The following DIDO1 variants were observed in gnomAD, a reference collection of about 807,000 sequenced individuals.
The protein encoded by DIDO1 is death inducer-obliterator 1.
DIDO1 carries 16 observed loss-of-function variants against 99.4 expected under a neutral mutation model. The observed-to-expected ratio is 0.16, with a 90% confidence interval of 0.11 to 0.24. DIDO1 has a LOEUF of 0.24. Among genes scored for constraint, DIDO1 ranks in the 10% least tolerant of loss-of-function variants. The pLI is 1.00. For missense variants in DIDO1, 2,996 were observed against 3,014.0 expected, an observed-to-expected ratio of 0.99 and a Z score of 0.14; for synonymous variants, 1,366 against 1,239.1, an observed-to-expected ratio of 1.10 and a Z score of -2.15.
chr20:62,914,844 T>C (rs1295245700), intron 1 of DIDO1, among the ~76,000 whole-genome samples: 1 of 152,222 alleles, frequency 6.6e-6, no homozygotes, highest in Non-Finnish European at 1.5e-5. Flanking sequence ...AATGTAATAA[T>C]TGAAAATTCT....
In DIDO1 at chr20:62,891,079, C is replaced by T; in HGVS notation, c.3422G>A (p.Ser1141Asn). 2 of 1,614,148 alleles carry T rather than the reference C, an allele frequency of 1.2e-6. No homozygotes were observed. Among genetic ancestry groups the T allele is most frequent in the Non-Finnish European group, 1.7e-6 (2 of 1,180,034 alleles). ...VAYISLYSYF[S>N]SRGRFGVVAN... Reference sequence around the variant, plus strand: ...TACAACACCAAAGCGGCCACGGCTGCTGAAATAGGAGTAGAGAGAGATATA... The same window carrying T: ...TACAACACCAAAGCGGCCACGGCTGTTGAAATAGGAGTAGAGAGAGATATA... The change falls in exon 15 of 16, where the codon AGC becomes AAC. Residue 1141 changes from serine to asparagine, a missense_variant. Coordinates refer to ENST00000395343, the MANE Select transcript of DIDO1 (RefSeq NM_001193369.2).
chr20:62,926,668 G>C (rs1289682055), upstream of DIDO1, among the ~76,000 whole-genome samples: 2 of 152,182 alleles, frequency 1.3e-5, no homozygotes, highest in Non-Finnish European at 1.5e-5. Context: ...CTTCGGGTCT[G>C]CACTGACAAT....
rs1335923317 is a variant in DIDO1, at chr20:62,879,865, T to C, written c.6091A>G (p.Ser2031Gly). ...TCCTTCCGGTGCTGCGGGGGGTGGCTGGGAAGCTCCAGCAGGGGCCTGGGG... is the reference window on the plus strand; with the variant it reads ...TCCTTCCGGTGCTGCGGGGGGTGGCCGGGAAGCTCCAGCAGGGGCCTGGGG... ...PGPRPLLELP[S>G]HPPQHRKDRW... The change falls in exon 16 of 16, where the codon AGC becomes GGC. Residue 2031 changes from serine (S) to glycine (G), a missense_variant. By Grantham distance (56) the Ser-to-Gly change is moderately conservative (BLOSUM62 0). Transcript: ENST00000395343. The surrounding 1 kb of genome is among the most constrained non-coding windows in gnomAD (Gnocchi z 6.3). 3 of 1,594,398 alleles carry C rather than the reference T, an allele frequency of 1.9e-6. No individual in the cohort carries two copies. The highest frequency in any genetic ancestry group is 1.4e-5 in the African/African-American group (1 of 73,968).
At chr20:62,886,383 C>T (rs1315417240) in intron 15 of DIDO1, among the ~76,000 whole-genome samples, 3 of 152,178 alleles carry the variant, frequency 2.0e-5, no homozygotes, top group South Asian at 4.1e-4. Context: ...GTGTCCTTTG[C>T]GTATTCATGA....
chr20:62,911,318 G>A lies in DIDO1; in HGVS notation c.295C>T (p.Pro99Ser), dbSNP rs2147506956. 6.2e-7 allele frequency: 1 copy of A among 1,608,656 alleles called. No homozygotes were observed. The change falls in exon 3 of 16, where the codon CCC becomes TCC. Residue 99 changes from proline to serine, a missense_variant. Physicochemically the swap from Pro to Ser is moderately conservative, Grantham distance 74 (BLOSUM62 -1). This residue lies in a region of DIDO1 where 388 missense variants were observed against 376.6 expected (regional missense o/e 1.03). Coordinates refer to ENST00000395343, the MANE Select transcript of DIDO1 (RefSeq NM_001193369.2). This position sits in a 1 kb window ranked among gnomAD's most constrained non-coding sequence, Gnocchi z 7.0. The stretch of plus-strand genomic sequence containing the variant: ...GCGTCTGTGGCGGGGCAGGACGTGG[G>A]CTCACCAGAATCCTCCAGGGAGACA... ...MPVSLEDSGE[P>S]TSCPATDAET...
At chr20:62,937,871 T>C (rs1037479323) in exon 1 of DIDO1, 1 of 398,386 alleles carries the variant, frequency 2.5e-6, no homozygotes, top group Non-Finnish European at 4.4e-6. Flanking sequence ...GCAGCAGCCA[T>C]CTTGCCAGAG....
intron 1 of DIDO1, among the ~76,000 whole-genome samples, chr20:62,933,049 C>G (rs2065346740): frequency 6.6e-6 from 1 of 152,198 alleles, no homozygotes; most frequent in African/African-American, 2.4e-5. Flanking sequence ...CCCATCTCTA[C>G]TAACAATACA....
intron 1 of DIDO1, among the ~76,000 whole-genome samples, chr20:62,932,831 A>G (rs1049678821): frequency 3.3e-5 from 5 of 152,246 alleles, no homozygotes; most frequent in African/African-American, 1.2e-4. Flanking sequence ...ATCAGGCAAA[A>G]AGAGGGAGGG....
rs763959742 is a variant in DIDO1 at position 62,910,839 on chromosome 20, C to T, written c.774G>A (p.Lys258=). Residue 258 remains lysine, a synonymous_variant, in exon 3 of 16, where the codon AAG becomes AAA. Coordinates refer to ENST00000395343, the MANE Select transcript of DIDO1 (RefSeq NM_001193369.2). The part of the protein sequence containing the change: ...DEEPGDLGRP[K]PECEGYDPNA... ...TGGGGTCGTAACCCTCACATTCAGGCTTCGGTCGGCCCAAGTCTCCAGGCT... is the reference window on the plus strand; with the variant it reads ...TGGGGTCGTAACCCTCACATTCAGGTTTCGGTCGGCCCAAGTCTCCAGGCT... 2 of 1,614,200 alleles carry T rather than the reference C, an allele frequency of 1.2e-6. No homozygotes were observed. Among genetic ancestry groups the T allele is most frequent in the South Asian group, 2.2e-5 (2 of 91,080 alleles).
chr20:62,932,214 C>G (rs1210866827), intron 1 of DIDO1, among the ~76,000 whole-genome samples: 1 of 152,208 alleles, frequency 6.6e-6, no homozygotes, highest in East Asian at 1.9e-4. Flanking sequence ...AATGTAGGGC[C>G]AGGCACGGTG....
upstream of DIDO1, chr20:62,929,363 G>C (rs1045895467): frequency 6.6e-6 from 1 of 152,424 alleles, no homozygotes; most frequent in African/African-American, 2.4e-5. Context: ...GGCGGGGCGC[G>C]CCTGGGCCTC....
At chr20:62,899,435 CGTAA>C (rs1157758184) in intron 6 of DIDO1, among the ~76,000 whole-genome samples, 1 of 152,150 alleles carries the variant, frequency 6.6e-6, no homozygotes, top group Admixed American at 6.5e-5. Context: ...TTCTCCAGAT[CGTAA>C]GTGTTGGAAT....
At chr20:62,913,918 A>C (rs2147521166) in intron 2 of DIDO1, among the ~76,000 whole-genome samples, 2 of 152,376 alleles carry the variant, frequency 1.3e-5, no homozygotes, top group East Asian at 3.9e-4. Flanking sequence ...TCTAGATTAC[A>C]TCATAGAAAC....
upstream of DIDO1, among the ~76,000 whole-genome samples, chr20:62,929,640 C>T (rs1176449157): frequency 7.0e-6 from 1 of 143,442 alleles, no homozygotes; most frequent in African/African-American, 2.7e-5. Context: ...TCACAAAATA[C>T]AACCCTCTCC....
Position 62,894,571 on chromosome 20 carries a change from A to AT in DIDO1, c.2437-24_2437-23insA. On this transcript the variant is annotated intron_variant, in intron 10 of 15. Coordinates refer to ENST00000395343, the MANE Select transcript of DIDO1 (RefSeq NM_001193369.2). The surrounding 1 kb of genome is among the most constrained non-coding windows in gnomAD (Gnocchi z 4.4). Reference sequence around the variant, plus strand: ...TTCCTAAAAAAGAAAAAGAAAAAAAAGTGAGGTCGTTTCTTCTCCAAACTC... The same window carrying AT: ...TTCCTAAAAAAGAAAAAGAAAAAAAATGTGAGGTCGTTTCTTCTCCAAACTC... The AT allele has an allele frequency of 4.4e-6, 7 of 1,601,580 alleles. No individual in the cohort carries two copies. Among genetic ancestry groups the AT allele is most frequent in the Non-Finnish European group, 6.0e-6 (7 of 1,176,424 alleles).
intron 8 of DIDO1, 44 bp from the exon 9 acceptor site, chr20:62,895,209 T>A: frequency 6.5e-7 from 1 of 1,536,612 alleles, no homozygotes; most frequent in South Asian, 1.1e-5. Context: ...TATTCCTATA[T>A]CTGTCAATAC....
At chr20:62,888,097 TAA>T in intron 15 of DIDO1, 1 of 985,538 alleles carries the variant, frequency 1.0e-6, no homozygotes, top group Non-Finnish European at 1.2e-6. Context: ...GCGGGTGACT[TAA>T]GTTTCCCCTG....
rs758995740 is a variant in DIDO1 at position 62,911,081 on chromosome 20, C to T, written c.532G>A (p.Glu178Lys). 1.2e-6 allele frequency: 2 copies of T among 1,613,912 alleles called. No homozygotes were observed. Among genetic ancestry groups the T allele is most frequent in the South Asian group, 2.2e-5 (2 of 91,084 alleles). Residue 178 changes from glutamate (E) to lysine (K), a missense_variant, in exon 3 of 16, where the codon GAG becomes AAG. Glu to Lys is a moderately conservative substitution (Grantham distance 56). Transcript: ENST00000395343. This position sits in a 1 kb window ranked among gnomAD's most constrained non-coding sequence, Gnocchi z 7.0. The stretch of plus-strand genomic sequence containing the variant: ...CTCTGGATCCCTTTCAGGGGCCTCT[C>T]AGTGGGCTCCTGTTCCCGCTTCCTG... ...LRRKREQEPT[E>K]RPLKGIQSRL...
chr20:62,896,431 G>A lies in DIDO1; in HGVS notation c.2055-39C>T. The A allele has an allele frequency of 6.3e-7, 1 of 1,595,392 alleles. No individual in the cohort carries two copies. The highest frequency in any genetic ancestry group is 8.5e-7 in the Non-Finnish European group (1 of 1,174,088). ...AAAAAAGGAACTACATAAGACACTT[G>A]TGTATATTAAACTTTTTGAACAGTG... is the stretch of plus-strand genomic sequence containing the variant. On this transcript the variant is annotated intron_variant, in intron 7 of 15. Coordinates refer to ENST00000395343, the MANE Select transcript of DIDO1 (RefSeq NM_001193369.2). This position sits in a 1 kb window ranked among gnomAD's most constrained non-coding sequence, Gnocchi z 4.4.
Sources: gnomAD v4.1 joint callset for allele counts (sites outside exome capture counted in the v4.1 genomes callset) on GRCh38, gnomAD v4.1.1 for gene constraint, gnomAD v4.1.1 regional missense constraint, Gnocchi (gnomAD v3.1) non-coding constraint, MANE v1.5 for transcripts, NCBI Gene and HGNC (gene_info 2026-07-23, HGNC 2026-07-21) for gene names.